Variants in ZNF148 observed in about 807,000 individuals in gnomAD.
ZNF148 encodes the protein Beta-Enolase Repressor Factor-1.
A neutral mutation model predicts 67.7 loss-of-function variants in ZNF148; 7 were observed. The ratio of observed to expected loss-of-function variants is 0.10; its 90% CI spans 0.06 to 0.19. The LOEUF is 0.19. Among genes scored for constraint, ZNF148 ranks in the 10% least tolerant of loss-of-function variants. The pLI, the probability that ZNF148 is intolerant of heterozygous loss-of-function variation, is 1.00. For missense variants in ZNF148, 583 were observed against 947.1 expected (o/e 0.62, Z 5.05); for synonymous variants, 333 against 330.7 (o/e 1.01, Z -0.08).
intron 7 of ZNF148, among the ~76,000 whole-genome samples, chr3:125,248,965 C>T (rs774843417): frequency 5.9e-5 from 9 of 152,122 alleles, no homozygotes; most frequent in Non-Finnish European, 8.8e-5. Flanking sequence ...ATCTAGAATA[C>T]CTGTCTTATT....
At chr3:125,361,336 T>C (rs10048926) in intron 1 of ZNF148, among the ~76,000 whole-genome samples, 45,547 of 151,920 alleles carry the variant, frequency 0.3, 7,257 homozygotes, top group Middle Eastern at 0.37. Context: ...CCATTCCTTC[T>C]GCAACATCTA....
chr3:125,262,926 C>T (rs1241763023), intron 7 of ZNF148, among the ~76,000 whole-genome samples: 1 of 152,212 alleles, frequency 6.6e-6, no homozygotes, highest in Non-Finnish European at 1.5e-5. Flanking sequence ...AGGCCATAAA[C>T]TTTAAATGCT....
chr3:125,323,302 A>C lies in ZNF148; in HGVS notation c.-17+7T>G, dbSNP rs1553709578. On this transcript the variant is annotated splice_region_variant and intron_variant, in intron 3 of 8. Coordinates refer to ENST00000360647, the MANE Select transcript of ZNF148 (RefSeq NM_021964.3). Reference sequence around the variant, plus strand: ...TCAAGATTATGAAAAATAAGTATTAAAATTACCCGAGACTAAGGTAAAAAC... The same window carrying C: ...TCAAGATTATGAAAAATAAGTATTACAATTACCCGAGACTAAGGTAAAAAC... The C allele has an allele frequency of 3.3e-6, 2 of 612,322 alleles. No individual in the cohort carries two copies. The highest frequency in any genetic ancestry group is 3.9e-5 in the South Asian group (2 of 51,212). The allele number at this position is 612,322 out of a possible 1,614,324, so 37.9% of individuals were successfully genotyped here.
At position 125,355,851 on chromosome 3, in the gene ZNF148, A is replaced by G. The variant is rs568198942; in HGVS notation, c.-234+19251T>C. 3.3e-4 allele frequency among the ~76,000 whole-genome samples: 50 copies of G among 152,342 alleles called. No individual in the cohort carries two copies. In the South Asian group the frequency reaches 8.5e-3, roughly 26 times the overall value. On this transcript the variant is annotated intron_variant, in intron 1 of 8. Coordinates refer to ENST00000360647, the MANE Select transcript of ZNF148 (RefSeq NM_021964.3). ...GTAGTAACAATGAGAATAAAAGTAT[A>G]TAAGCTATGGGGAAATCCATAGGTA... is the stretch of plus-strand genomic sequence containing the variant.
rs139817716 is a variant in ZNF148 at position 125,239,382 on chromosome 3, T to C, written c.668-5053A>G. Among the ~76,000 whole-genome samples, 14 of 152,274 alleles carry C rather than the reference T, an allele frequency of 9.2e-5. No individual in the cohort carries two copies. The East Asian group carries it at 2.5e-3, about 27-fold the overall frequency. ...GGCAATGGATCTGAATGCGCATTTC[T>C]CCAAAGAAGATATACAAATGACCAA... On this transcript the variant is annotated intron_variant, in intron 7 of 8. Coordinates refer to ENST00000360647, the MANE Select transcript of ZNF148 (RefSeq NM_021964.3).
intron 1 of ZNF148, among the ~76,000 whole-genome samples, chr3:125,355,083 C>T (rs980286005): frequency 5.3e-5 from 8 of 152,188 alleles, no homozygotes; most frequent in African/African-American, 1.9e-4. Context: ...TCTTCATCTA[C>T]ATACTGAAGG....
chr3:125,313,525 G>A lies in ZNF148; in HGVS notation c.116C>T (p.Ser39Phe). The stretch of plus-strand genomic sequence containing the variant: ...AAGTACTGAATCCTGTAGCTCTCCA[G>A]ACACAGTAGACTGGCCAGACACTCC... ...MGGVSGQSTV[S>F]GELQDSVLQD... The change falls in exon 4 of 9, where the codon TCT (serine) becomes TTT (phenylalanine). Residue 39 changes from serine (S) to phenylalanine (F), a missense_variant. Coordinates refer to ENST00000360647, the MANE Select transcript of ZNF148 (RefSeq NM_021964.3). 1 of 1,614,180 alleles carries A rather than the reference G, an allele frequency of 6.2e-7. No individual in the cohort carries two copies. The highest frequency in any genetic ancestry group is 8.5e-7 in the Non-Finnish European group (1 of 1,180,020).
At chr3:125,280,031 A>T (rs990882079) in intron 5 of ZNF148, among the ~76,000 whole-genome samples, 1 of 152,130 alleles carries the variant, frequency 6.6e-6, no homozygotes, top group Non-Finnish European at 1.5e-5. Context: ...TCAAGTTACA[A>T]TATGGTAGAA....
intron 1 of ZNF148, chr3:125,357,202 G>T (rs1373560063): frequency 6.6e-6 from 1 of 152,492 alleles, no homozygotes; most frequent in Non-Finnish European, 1.5e-5. Flanking sequence ...CGCGGTATCT[G>T]GGAGGTCCGG....
chr3:125,367,918 A>C (rs1942751394), intron 1 of ZNF148, among the ~76,000 whole-genome samples: 1 of 152,236 alleles, frequency 6.6e-6, no homozygotes, highest in African/African-American at 2.4e-5. Flanking sequence ...GTGAATCTGA[A>C]AGGAACAAAC....
chr3:125,345,363 A>G (rs770207078), intron 1 of ZNF148, among the ~76,000 whole-genome samples: 2 of 152,158 alleles, frequency 1.3e-5, no homozygotes, highest in African/African-American at 4.8e-5. Flanking sequence ...CATAATACAC[A>G]TCAAAATACA....
rs74959482 is a variant in ZNF148, at chr3:125,300,561, G to A, written c.334-12333C>T. On this transcript the variant is annotated intron_variant, in intron 4 of 8. Transcript: ENST00000360647. Reference sequence around the variant, plus strand: ...GAATTAATCATAAACACGAAAATGCGTAACAGTATGCCTGCAATTTTACAC... The same window carrying A: ...GAATTAATCATAAACACGAAAATGCATAACAGTATGCCTGCAATTTTACAC... Among the ~76,000 whole-genome samples the A allele has an allele frequency of 7.2e-3, 1,099 of 152,212 alleles. 14 individuals are homozygous for A. The highest frequency in any genetic ancestry group is 0.026 in the East Asian group (136 of 5,186).
chr3:125,273,499 CT>C (rs397690643), intron 7 of ZNF148, among the ~76,000 whole-genome samples: 36 of 142,382 alleles, frequency 2.5e-4, no homozygotes, highest in Admixed American at 4.9e-4. Flanking sequence ...GGAAGAGAAT[CT>C]TTTTTTTTTT....
chr3:125,328,196 G>A (rs908384178), intron 2 of ZNF148, among the ~76,000 whole-genome samples: 2 of 152,114 alleles, frequency 1.3e-5, no homozygotes, highest in African/African-American at 4.8e-5. Flanking sequence ...GTCATTCAGA[G>A]ATGCTACAAC....
chr3:125,325,744 G>A (rs1249409963), intron 2 of ZNF148, among the ~76,000 whole-genome samples: 1 of 152,102 alleles, frequency 6.6e-6, no homozygotes, highest in East Asian at 1.9e-4. Flanking sequence ...CCTGTGCTGG[G>A]ATTATAGGTA....
chr3:125,246,523 T>C (rs1021860171), intron 7 of ZNF148, among the ~76,000 whole-genome samples: 1 of 152,164 alleles, frequency 6.6e-6, no homozygotes, highest in Non-Finnish European at 1.5e-5. Flanking sequence ...ATGGAAATAA[T>C]AGAATATACC....
At chr3:125,265,297 C>T (rs1180167973) in intron 7 of ZNF148, among the ~76,000 whole-genome samples, 1 of 152,240 alleles carries the variant, frequency 6.6e-6, no homozygotes, top group African/African-American at 2.4e-5. Context: ...AGCCTCCACT[C>T]ACCCTGTAAC....
At position 125,256,516 on chromosome 3, in the gene ZNF148, A is replaced by G. The variant is rs184211233; in HGVS notation, c.667+21210T>C. On this transcript the variant is annotated intron_variant, in intron 7 of 8. Transcript: ENST00000360647. ...ATATGGTGAAACCCCATCTCTATAA[A>G]AATACAAAAATTAGCCAGCCATGAT... Among the ~76,000 whole-genome samples the G allele has an allele frequency of 7.0e-3, 1,059 of 151,346 alleles. 12 individuals are homozygous for G. Among genetic ancestry groups the G allele is most frequent in the Non-Finnish European group, 9.2e-3 (625 of 67,848 alleles).
rs74560103 is a variant in ZNF148 at position 125,326,861 on chromosome 3, GAT to G, written c.-152-3419_-152-3418del. Among the ~76,000 whole-genome samples the G allele has an allele frequency of 6.9e-5, 10 of 145,326 alleles. No homozygotes were observed. The South Asian group carries it at 8.6e-4, about 12-fold the overall frequency. ...GTATACAGATATATATGTATATAAA[GAT>G]ATATATATATATAGTGTGTGTGTGT... On this transcript the variant is annotated intron_variant, in intron 2 of 8. Transcript: ENST00000360647.
Sources: allele counts gnomAD v4.1 joint callset (sites outside exome capture counted in the v4.1 genomes callset), GRCh38; gene constraint gnomAD v4.1.1; transcripts MANE v1.5; gene names NCBI Gene and HGNC (gene_info 2026-07-23, HGNC 2026-07-21).